The following UTRN variants were observed in gnomAD, a reference collection of about 807,000 sequenced individuals.
UTRN encodes utrophin, also known as dystrophin-related protein 1.
UTRN carries 283 observed loss-of-function variants against 463.9 expected under a neutral mutation model. The observed-to-expected ratio is 0.61, with a 90% CI of 0.55 to 0.67. UTRN has a LOEUF of 0.67. Among genes scored for constraint, UTRN ranks in the 30% least tolerant of loss-of-function variants. UTRN has a pLI of 0.00. For synonymous variants in UTRN, 1,442 were observed against 1,431.5 expected (o/e 1.01, Z -0.17); for missense variants, 3,922 against 4,084.3 (o/e 0.96, Z 1.08).
chr6:144,671,567 A>G (rs939139082), intron 51 of UTRN, among the ~76,000 whole-genome samples: 5 of 152,056 alleles, frequency 3.3e-5, no homozygotes, highest in Admixed American at 1.3e-4. Flanking sequence ...TAGGTATACA[A>G]TCATGTCATC....
intron 43 of UTRN, 51 bp downstream of exon 43, chr6:144,533,311 A>C: frequency 3.2e-6 from 5 of 1,582,236 alleles, no homozygotes; most frequent in Non-Finnish European, 4.3e-6. Flanking sequence ...TATTTTGGAT[A>C]GAATCTTTTA....
intron 73 of UTRN, among the ~76,000 whole-genome samples, chr6:144,846,104 A>G (rs1218444783): frequency 6.6e-6 from 1 of 152,232 alleles, no homozygotes; most frequent in Non-Finnish European, 1.5e-5. Flanking sequence ...CGAAAAGCAG[A>G]TGCCTTAGAG....
At chr6:144,753,983 A>T (rs1791693046) in intron 56 of UTRN, among the ~76,000 whole-genome samples, 1 of 152,174 alleles carries the variant, frequency 6.6e-6, no homozygotes, top group Non-Finnish European at 1.5e-5. Context: ...ATGATCAGAT[A>T]CAAATTTGGA....
intron 33 of UTRN, among the ~76,000 whole-genome samples, chr6:144,498,891 T>A (rs1346463401): frequency 1.3e-5 from 2 of 152,192 alleles, no homozygotes; most frequent in African/African-American, 4.8e-5. Context: ...CAGGCTGGTC[T>A]TAAACTCTTG....
chr6:144,808,728 C>CT (rs11368498), intron 65 of UTRN, among the ~76,000 whole-genome samples: 8,580 of 149,080 alleles, frequency 0.058, 606 homozygotes, highest in African/African-American at 0.17. Context: ...ATGAGCTTGA[C>CT]TTTTTTTTTT....
chr6:144,494,388 C>T (rs1230750039), intron 33 of UTRN, among the ~76,000 whole-genome samples: 1 of 152,176 alleles, frequency 6.6e-6, no homozygotes, highest in African/African-American at 2.4e-5. Flanking sequence ...TGTGGTCTCG[C>T]TGGCTTCAGG....
intron 50 of UTRN, 51 bp downstream of exon 50, chr6:144,557,362 G>C (rs1166977082): frequency 3.2e-6 from 5 of 1,562,772 alleles, no homozygotes; most frequent in Non-Finnish European, 4.3e-6. Context: ...TTGAGAATTT[G>C]ATGGCTTTGG....
rs190294497 is a variant in UTRN, at chr6:144,641,139, A to C, written c.7480-37267A>C. Among the ~76,000 whole-genome samples, 515 of 152,290 alleles carry C rather than the reference A, an allele frequency of 3.4e-3. 3 individuals carry two copies. Among genetic ancestry groups the C allele is most frequent in the Non-Finnish European group, 4.9e-3 (334 of 68,022 alleles). On this transcript the variant is annotated intron_variant, in intron 51 of 74. Coordinates refer to ENST00000367545, the MANE Select transcript of UTRN (RefSeq NM_007124.3). ...GATGCACCTATGACACAGCCTCAGGAGGTCCTGAGGACATGTACCCAAGGT... is the reference window on the plus strand; with the variant it reads ...GATGCACCTATGACACAGCCTCAGGCGGTCCTGAGGACATGTACCCAAGGT...
chr6:144,515,201 G>A (rs1039623930), intron 37 of UTRN, among the ~76,000 whole-genome samples: 6 of 152,082 alleles, frequency 3.9e-5, no homozygotes, highest in South Asian at 2.1e-4. Flanking sequence ...TGCTGCACCC[G>A]GCCAACAATT....
chr6:144,337,973 A>G (rs1311044727), intron 2 of UTRN, among the ~76,000 whole-genome samples: 1 of 152,192 alleles, frequency 6.6e-6, no homozygotes, highest in Non-Finnish European at 1.5e-5. Flanking sequence ...CTCTGACTTA[A>G]TTCTGTTGAT....
chr6:144,295,055 A>G (rs1407322939), intron 2 of UTRN, among the ~76,000 whole-genome samples: 1 of 152,222 alleles, frequency 6.6e-6, no homozygotes, highest in Non-Finnish European at 1.5e-5. Context: ...TTCATCATCA[A>G]GTACTGTATT....
Position 144,494,929 on chromosome 6 carries a change from G to A in UTRN, c.4593+1473G>A, listed in dbSNP as rs182033156. On this transcript the variant is annotated intron_variant, in intron 33 of 74. Transcript: ENST00000367545. ...GTAGCTAGATACAGAGTGTGGATTGGTGCACTCACAAACCCTGAGCTAGAC... is the reference window on the plus strand; with the variant it reads ...GTAGCTAGATACAGAGTGTGGATTGATGCACTCACAAACCCTGAGCTAGAC... Among the ~76,000 whole-genome samples the A allele has an allele frequency of 3.3e-3, 496 of 152,048 alleles. 1 individual carries two copies. Among genetic ancestry groups the A allele is most frequent in the Admixed American group, 6.7e-3 (103 of 15,282 alleles).
At chr6:144,638,425 C>A (rs9390182) in intron 51 of UTRN, among the ~76,000 whole-genome samples, 85,311 of 152,026 alleles carry the variant, frequency 0.56, 25,180 homozygotes, top group East Asian at 0.86. Flanking sequence ...TGGTTTTATT[C>A]CTCTTGGGAC....
chr6:144,444,158 A>T, intron 13 of UTRN, 123 bp from the exon 14 acceptor site: 1 of 770,746 alleles, frequency 1.3e-6, no homozygotes, highest in Non-Finnish European at 1.9e-6. Flanking sequence ...AATTTTTATA[A>T]AAATACTTTT....
intron 2 of UTRN, chr6:144,333,353 A>G (rs565062276): frequency 5.0e-4 from 76 of 152,324 alleles, no homozygotes; most frequent in African/African-American, 1.7e-3. Context: ...TTTAGAGCCC[A>G]TAAAATAGCT....
intron 51 of UTRN, among the ~76,000 whole-genome samples, chr6:144,635,539 T>C (rs1296805598): frequency 9.6e-5 from 7 of 72,778 alleles, no homozygotes; most frequent in African/African-American, 3.9e-4. Flanking sequence ...TCTTTTCTTT[T>C]TTTTTTTTTT....
intron 34 of UTRN, among the ~76,000 whole-genome samples, chr6:144,501,195 G>A (rs931440427): frequency 3.9e-5 from 6 of 152,206 alleles, no homozygotes; most frequent in African/African-American, 1.4e-4. Context: ...GTGAAGAAAG[G>A]AATGTATGAG....
intron 51 of UTRN, among the ~76,000 whole-genome samples, chr6:144,591,685 T>G (rs1431568799): frequency 6.6e-6 from 1 of 152,110 alleles, no homozygotes; most frequent in Non-Finnish European, 1.5e-5. Flanking sequence ...TTCTGGAAAG[T>G]ATACATTTTA....
At chr6:144,451,535 T>C (rs1450891757) in intron 18 of UTRN, 42 bp downstream of exon 18, 2 of 1,556,178 alleles carry the variant, frequency 1.3e-6, no homozygotes, top group South Asian at 1.2e-5. Flanking sequence ...CATAAAATAG[T>C]TCATCATGCT....
Sources: gnomAD v4.1 joint callset for allele counts (sites outside exome capture counted in the v4.1 genomes callset) on GRCh38, gnomAD v4.1.1 for gene constraint, MANE v1.5 for transcripts, NCBI Gene and HGNC (gene_info 2026-07-23, HGNC 2026-07-21) for gene names.